Variants in CUL1 observed in about 807,000 individuals in gnomAD.
CUL1 encodes the protein cullin-1.
CUL1 carries 24 observed loss-of-function variants against 118.0 expected under a neutral mutation model. That is an observed-to-expected ratio of 0.20 (90% CI 0.15 to 0.29). The LOEUF is 0.29. CUL1 is among the 10% of genes least tolerant of loss of function. The pLI, the probability that CUL1 is intolerant of heterozygous loss-of-function variation, is 1.00. For missense variants in CUL1, 361 were observed against 933.8 expected (o/e 0.39, Z 7.99); for synonymous variants, 332 against 340.4 (o/e 0.98, Z 0.27).
At chr7:148,726,582 C>T (rs1350254791) in intron 1 of CUL1, among the ~76,000 whole-genome samples, 1 of 152,082 alleles carries the variant, frequency 6.6e-6, no homozygotes, top group Non-Finnish European at 1.5e-5. Context: ...TGTTTTGACA[C>T]TTTAAAAACG....
chr7:148,698,245 T>C (rs1797584608), upstream of CUL1: 1 of 151,734 alleles, frequency 6.6e-6, no homozygotes, highest in Admixed American at 6.6e-5. Context: ...CCAGTCCCTG[T>C]CCCGGTCGAC....
intron 9 of CUL1, among the ~76,000 whole-genome samples, chr7:148,779,970 A>C (rs140925457): frequency 6.6e-6 from 1 of 152,210 alleles, no homozygotes; most frequent in African/African-American, 2.4e-5. Context: ...TCTTTCTCCT[A>C]TGCTGGATGC....
chr7:148,717,783 C>T (rs534583149), intron 1 of CUL1, among the ~76,000 whole-genome samples: 6 of 152,176 alleles, frequency 3.9e-5, no homozygotes, highest in Non-Finnish European at 8.8e-5. Context: ...TGCTCATCCT[C>T]TGAGAAACGC....
At chr7:148,721,445 GTC>G (rs1290783487) in intron 1 of CUL1, among the ~76,000 whole-genome samples, 2 of 151,590 alleles carry the variant, frequency 1.3e-5, no homozygotes, top group Non-Finnish European at 2.9e-5. Context: ...CAGTGTACCT[GTC>G]TCTCAGCTTT....
chr7:148,722,941 C>A (rs1280422014), intron 1 of CUL1, among the ~76,000 whole-genome samples: 1 of 152,242 alleles, frequency 6.6e-6, no homozygotes, highest in African/African-American at 2.4e-5. Flanking sequence ...CCTTCTTACT[C>A]CTTCACAGCC....
intron 11 of CUL1, among the ~76,000 whole-genome samples, chr7:148,785,369 T>C (rs1462344714): frequency 1.3e-5 from 2 of 151,980 alleles, no homozygotes; most frequent in African/African-American, 4.8e-5. Context: ...TAGTGTCCTT[T>C]TTTTTTTGAG....
At chr7:148,719,758 C>G (rs1245956799) in intron 1 of CUL1, among the ~76,000 whole-genome samples, 1 of 152,210 alleles carries the variant, frequency 6.6e-6, no homozygotes, top group Admixed American at 6.5e-5. Context: ...TAGTTCTTCC[C>G]TGAACTATTC....
chr7:148,792,912 C>T, intron 17 of CUL1, 94 bp downstream of exon 17: 1 of 839,918 alleles, frequency 1.2e-6, no homozygotes, highest in Non-Finnish European at 1.9e-6. Context: ...ATATGGGCAT[C>T]TTTAATTTGA....
rs544702757 is a variant in CUL1, at chr7:148,780,517, G to A, written c.1084-3266G>A. On this transcript the variant is annotated intron_variant, in intron 9 of 21. Transcript: ENST00000325222. The stretch of plus-strand genomic sequence containing the variant: ...GGCTCGAGCCGCTGGGTGAGTGGTG[G>A]CACTTGCCGAGAAGAGCTCCAGAGA... Among the ~76,000 whole-genome samples the A allele has an allele frequency of 3.9e-5, 6 of 152,360 alleles. No individual in the cohort carries two copies. The East Asian group carries it at 9.6e-4, about 25-fold the overall frequency.
At chr7:148,712,853 G>C (rs984443615) in intron 1 of CUL1, among the ~76,000 whole-genome samples, 2 of 152,090 alleles carry the variant, frequency 1.3e-5, no homozygotes, top group Non-Finnish European at 2.9e-5. Flanking sequence ...CATATTAGCT[G>C]TTTGCAATTT....
chr7:148,719,305 C>T (rs945341693), intron 1 of CUL1, among the ~76,000 whole-genome samples: 1 of 147,982 alleles, frequency 6.8e-6, no homozygotes, highest in Non-Finnish European at 1.5e-5. Flanking sequence ...AGCGAGACTT[C>T]GTCAAAAAAA....
intron 1 of CUL1, among the ~76,000 whole-genome samples, chr7:148,700,010 C>T (rs1325443995): frequency 1.3e-5 from 2 of 152,194 alleles, no homozygotes; most frequent in African/African-American, 4.8e-5. Context: ...TGCTTGTAGA[C>T]ATTCCTTGAA....
At chr7:148,724,741 G>A (rs981605120) in intron 1 of CUL1, among the ~76,000 whole-genome samples, 3 of 152,188 alleles carry the variant, frequency 2.0e-5, no homozygotes, top group African/African-American at 7.2e-5. Flanking sequence ...CGCCCGAAAC[G>A]CGTGGACATT....
At chr7:148,715,644 C>A (rs1032858701) in intron 1 of CUL1, among the ~76,000 whole-genome samples, 1 of 152,142 alleles carries the variant, frequency 6.6e-6, no homozygotes, top group Non-Finnish European at 1.5e-5. Context: ...TAAGTTCTTT[C>A]TTCACACTTT....
At chr7:148,769,675 A>G (rs1336504181) in intron 9 of CUL1, among the ~76,000 whole-genome samples, 3 of 152,200 alleles carry the variant, frequency 2.0e-5, no homozygotes, top group Admixed American at 6.5e-5. Flanking sequence ...AAATTGCTAT[A>G]TACTAGGTAT....
At chr7:148,726,998 T>C (rs568468324) in intron 1 of CUL1, among the ~76,000 whole-genome samples, 1 of 152,030 alleles carries the variant, frequency 6.6e-6, no homozygotes, top group African/African-American at 2.4e-5. Context: ...GGCAACAGAG[T>C]GATACCCTAT....
chr7:148,794,855 G>A (rs574695300), intron 17 of CUL1, among the ~76,000 whole-genome samples: 10 of 152,130 alleles, frequency 6.6e-5, no homozygotes, highest in East Asian at 5.8e-4. Context: ...TAATTGAGAC[G>A]GAGTCTTGCT....
intron 1 of CUL1, among the ~76,000 whole-genome samples, chr7:148,705,230 G>C (rs1436311948): frequency 6.6e-6 from 1 of 152,142 alleles, no homozygotes; most frequent in Non-Finnish European, 1.5e-5. Flanking sequence ...ATTGTCTTCA[G>C]TGTGGAAGTT....
At chr7:148,767,573 T>C in intron 8 of CUL1, 46 bp from the exon 9 acceptor site, 6 of 1,584,114 alleles carry the variant, frequency 3.8e-6, no homozygotes, top group Non-Finnish European at 5.2e-6. Context: ...AGAATGGATA[T>C]GCAAAATTTT....
Sources: gnomAD v4.1 joint callset for allele counts (sites outside exome capture counted in the v4.1 genomes callset) on GRCh38, gnomAD v4.1.1 for gene constraint, MANE v1.5 for transcripts, NCBI Gene and HGNC (gene_info 2026-07-23, HGNC 2026-07-21) for gene names.